MOK: variants seen among roughly 807,000 people sequenced by gnomAD.
MOK encodes MAPK/MAK/MRK overlapping kinase.
In MOK, 59 loss-of-function variants were observed where a neutral mutation model predicts 54.2. The observed-to-expected ratio is 1.09, with a 90% confidence interval of 0.88 to 1.35. MOK has a LOEUF of 1.35. Among genes scored for constraint, MOK ranks in the 40% most tolerant of loss-of-function variants. The probability of loss-of-function intolerance (pLI) is 0.00; values close to 1 mark genes in which losing one functional copy is unlikely to be tolerated. For missense variants in MOK, 517 were observed against 526.2 expected (o/e 0.98, Z 0.17); for synonymous variants, 210 against 202.7 (o/e 1.04, Z -0.31).
intron 1 of MOK, among the ~76,000 whole-genome samples, chr14:102,302,900 G>A (rs1166086093): frequency 4.0e-5 from 6 of 151,458 alleles, no homozygotes; most frequent in African/African-American, 4.8e-5. Context: ...AGTGGCTCGC[G>A]TCTGTAATTC....
At chr14:102,302,136 G>A (rs137940013) in intron 1 of MOK, among the ~76,000 whole-genome samples, 224 of 148,044 alleles carry the variant, frequency 1.5e-3, no homozygotes, top group African/African-American at 5.2e-3. Flanking sequence ...GCAGTAGTGC[G>A]ATCTCAGCTC....
In MOK at chr14:102,229,215, A is replaced by C; in HGVS notation, c.*74T>G. On this transcript the variant is annotated 3_prime_UTR_variant, in exon 12 of 12. Coordinates refer to ENST00000361847, the MANE Select transcript of MOK (RefSeq NM_014226.3). ...CATCCCCAGCCCTCCGTGGCGTCTC[A>C]GCAGCAGATCACCCAGGCCTGGCCC... is the stretch of plus-strand genomic sequence containing the variant. The C allele has an allele frequency of 1.4e-6, 2 of 1,443,770 alleles. No individual in the cohort carries two copies. 89.4% of individuals were successfully genotyped at this position (1,443,770 alleles called of 1,614,324 possible).
At chr14:102,279,789 C>T (rs897113065) in intron 2 of MOK, among the ~76,000 whole-genome samples, 8 of 152,090 alleles carry the variant, frequency 5.3e-5, no homozygotes, top group African/African-American at 1.9e-4. Flanking sequence ...AGTGAAAGTG[C>T]CCTCCCTGCC....
In MOK at chr14:102,249,631, C is replaced by A. The variant is rs961764467; in HGVS notation, c.590+1181G>T. Among the ~76,000 whole-genome samples the A allele has an allele frequency of 1.3e-5, 2 of 152,166 alleles. No homozygotes were observed. The highest frequency in any genetic ancestry group is 2.9e-5 in the Non-Finnish European group (2 of 68,028). On this transcript the variant is annotated intron_variant, in intron 7 of 11. Transcript: ENST00000361847. This position sits in a 1 kb window ranked among gnomAD's most constrained non-coding sequence, Gnocchi z 5.3. ...GGCTGAGGCAGGAGAATCGCTAGAA[C>A]CCGGGAGGCGGAGGCTGCGGTGAGC...
intron 1 of MOK, among the ~76,000 whole-genome samples, chr14:102,285,349 T>C (rs915661546): frequency 6.6e-6 from 1 of 152,146 alleles, no homozygotes; most frequent in Non-Finnish European, 1.5e-5. Flanking sequence ...CCCAAGTGGC[T>C]AGCATGAGCC....
Position 102,238,177 on chromosome 14 carries a change from A to G in MOK, c.591-4388T>C, listed in dbSNP as rs1048483869. On this transcript the variant is annotated intron_variant, in intron 7 of 11. Coordinates refer to ENST00000361847, the MANE Select transcript of MOK (RefSeq NM_014226.3). The surrounding 1 kb of genome is among the most constrained non-coding windows in gnomAD (Gnocchi z 4.8). ...TTCTGGGCCCACTGGCTCCCCCAAAATTGCTGGGTATGCAGTTGTTTCCCT... is the reference window on the plus strand; with the variant it reads ...TTCTGGGCCCACTGGCTCCCCCAAAGTTGCTGGGTATGCAGTTGTTTCCCT... 4 of 152,214 alleles carry G rather than the reference A, an allele frequency of 2.6e-5. No individual in the cohort carries two copies. The highest frequency in any genetic ancestry group is 9.6e-5 in the African/African-American group (4 of 41,528). 9.4% of individuals were successfully genotyped at this position (152,214 alleles called of 1,614,324 possible).
In MOK at chr14:102,249,893, A is replaced by C. The variant is rs1288473210; in HGVS notation, c.590+919T>G. Among the ~76,000 whole-genome samples, 3 of 152,080 alleles carry C rather than the reference A, an allele frequency of 2.0e-5. No individual in the cohort carries two copies. Among genetic ancestry groups the C allele is most frequent in the Non-Finnish European group, 2.9e-5 (2 of 68,032 alleles). ...GAGCAGGAAACAGCTCCAAGTGGGGAGATGAGTGCCTCAGCCCAGTTTGGT... is the reference window on the plus strand; with the variant it reads ...GAGCAGGAAACAGCTCCAAGTGGGGCGATGAGTGCCTCAGCCCAGTTTGGT... On this transcript the variant is annotated intron_variant, in intron 7 of 11. Transcript: ENST00000361847. This position sits in a 1 kb window ranked among gnomAD's most constrained non-coding sequence, Gnocchi z 5.3.
Position 102,229,278 on chromosome 14 carries a change from G to C in MOK, c.*11C>G, listed in dbSNP as rs1260514883. On this transcript the variant is annotated 3_prime_UTR_variant, in exon 12 of 12. Coordinates refer to ENST00000361847, the MANE Select transcript of MOK (RefSeq NM_014226.3). Reference sequence around the variant, plus strand: ...TGTTGCCTCCGAAGTCGAGACGACGGTGCTGCTCAGTTATCTTCCGCCTTT... The same window carrying C: ...TGTTGCCTCCGAAGTCGAGACGACGCTGCTGCTCAGTTATCTTCCGCCTTT... The C allele has an allele frequency of 6.3e-7, 1 of 1,585,972 alleles. No individual in the cohort carries two copies. Among genetic ancestry groups the C allele is most frequent in the Non-Finnish European group, 8.6e-7 (1 of 1,164,670 alleles).
At chr14:102,294,250 T>C (rs532314704) in intron 1 of MOK, among the ~76,000 whole-genome samples, 32 of 151,948 alleles carry the variant, frequency 2.1e-4, no homozygotes, top group East Asian at 3.9e-4. Flanking sequence ...ATCAACACCA[T>C]CCTGGCTAAC....
At chr14:102,278,641 G>C in intron 2 of MOK, 1 of 454,496 alleles carries the variant, frequency 2.2e-6, no homozygotes. Context: ...GTGTAGGTTG[G>C]GTAGCAACGG....
chr14:102,246,477 A>G (rs774607254), intron 7 of MOK, among the ~76,000 whole-genome samples: 16 of 152,110 alleles, frequency 1.1e-4, no homozygotes, highest in Non-Finnish European at 2.1e-4. Context: ...ACACCTATAC[A>G]GAACACTTAA....
downstream of MOK, among the ~76,000 whole-genome samples, chr14:102,221,271 A>G (rs537168689): frequency 1.3e-5 from 2 of 152,288 alleles, no homozygotes; most frequent in Admixed American, 6.5e-5. This position sits in a 1 kb window ranked among gnomAD's most constrained non-coding sequence, Gnocchi z 4.8. Flanking sequence ...CCAGGAGTAG[A>G]TGACTTTTCT....
At chr14:102,217,993 T>C in the MOK span, among the ~76,000 whole-genome samples, 10 of 152,224 alleles carry the variant, frequency 6.6e-5, no homozygotes, top group Admixed American at 6.5e-4. Flanking sequence ...CTTCTCCCTC[T>C]GGGGGACGCC....
downstream of MOK, chr14:102,226,148 C>CTGA (rs1270561658): frequency 1.7e-5 from 10 of 594,670 alleles, no homozygotes; most frequent in Admixed American, 3.0e-4. This position sits in a 1 kb window ranked among gnomAD's most constrained non-coding sequence, Gnocchi z 4.8. Flanking sequence ...ATGGAAATGG[C>CTGA]TGATGGAGAT....
At chr14:102,282,061 C>T (rs2069498760) in intron 2 of MOK, among the ~76,000 whole-genome samples, 1 of 152,176 alleles carries the variant, frequency 6.6e-6, no homozygotes, top group African/African-American at 2.4e-5. Flanking sequence ...AAGCACCTAT[C>T]CTCATATATG....
At chr14:102,282,260 T>C (rs2069519830) in intron 2 of MOK, among the ~76,000 whole-genome samples, 1 of 151,996 alleles carries the variant, frequency 6.6e-6, no homozygotes, top group South Asian at 2.1e-4. Context: ...AGTTAACTAA[T>C]TAATTAAAAA....
intron 4 of MOK, among the ~76,000 whole-genome samples, chr14:102,254,296 CT>C (rs374311054): frequency 6.6e-6 from 1 of 152,178 alleles, no homozygotes; most frequent in African/African-American, 2.4e-5. Context: ...CCGCAATTAA[CT>C]TTTTTGTGTC....
At chr14:102,251,548 AT>A in intron 6 of MOK, 1 of 643,858 alleles carries the variant, frequency 1.6e-6, no homozygotes, top group Non-Finnish European at 2.9e-6. Context: ...GCTTTCAATT[AT>A]TTTCTTCCAG....
chr14:102,229,297 C>T lies in MOK; in HGVS notation c.1252G>A (p.Gly418Arg). ...ACGACGGTGCTGCTCAGTTATCTTC[C>T]GCCTTTCCGCACTATGGTGGGCAGG... The part of the protein sequence containing the change: ...CRLPTIVRKG[G>R]R Residue 418 changes from glycine to arginine, a missense_variant, in exon 12 of 12, where the codon GGA becomes AGA. Transcript: ENST00000361847. 2 of 1,602,944 alleles carry T rather than the reference C, an allele frequency of 1.2e-6. No individual in the cohort carries two copies. Among genetic ancestry groups the T allele is most frequent in the Non-Finnish European group, 1.7e-6 (2 of 1,173,586 alleles).
Sources: gnomAD v4.1 joint callset for allele counts (sites outside exome capture counted in the v4.1 genomes callset) on GRCh38, gnomAD v4.1.1 for gene constraint, Gnocchi (gnomAD v3.1) non-coding constraint, MANE v1.5 for transcripts, NCBI Gene and HGNC (gene_info 2026-07-23, HGNC 2026-07-21) for gene names.